The following PLEKHG5 variants were observed in gnomAD, a reference collection of about 807,000 sequenced individuals.
PLEKHG5 encodes pleckstrin homology and RhoGEF domain containing G5, also known as pleckstrin homology domain-containing family G member 5.
In PLEKHG5, 52 loss-of-function variants were observed where a neutral mutation model predicts 103.8. That is an observed-to-expected ratio of 0.50 (90% CI 0.40 to 0.63). PLEKHG5 has a LOEUF of 0.63. Ranked by LOEUF, PLEKHG5 falls within the 30% of genes least tolerant of loss-of-function variation. The pLI, the probability that PLEKHG5 is intolerant of heterozygous loss-of-function variation, is 0.00. For missense variants in PLEKHG5, 1,205 were observed against 1,347.6 expected (o/e 0.89, Z 1.66); for synonymous variants, 592 against 575.5 (o/e 1.03, Z -0.41).
In PLEKHG5 at chr1:6,473,170, A is replaced by G. The variant is rs1644647200; in HGVS notation, c.800T>C (p.Val267Ala). Reference protein sequence around the residue: ...GPSTSAFGREVDKMEQLEGKL... With the variant: ...GPSTSAFGREADKMEQLEGKL... ...GCCCTCCAGCTGCTCCATCTTGTCTACCTCCTGGAAAGATACCCTGGTCAG... is the reference window on the plus strand; with the variant it reads ...GCCCTCCAGCTGCTCCATCTTGTCTGCCTCCTGGAAAGATACCCTGGTCAG... Residue 267 changes from valine to alanine, a missense_variant, in exon 9 of 21, where the codon GTA becomes GCA. By Grantham distance (64) the Val-to-Ala change is moderately conservative. Transcript: ENST00000377728. The G allele has an allele frequency of 6.2e-7, 1 of 1,613,526 alleles. No homozygotes were observed. The highest frequency in any genetic ancestry group is 8.5e-7 in the Non-Finnish European group (1 of 1,179,930).
rs537254591 is a variant in PLEKHG5 at position 6,487,851 on chromosome 1, G to A, written c.-88+3786C>T. ...GCCGTCTGCATCTCACTGTGTCCTC[G>A]GCACTTAGAACAGTCCTGGTGCACA... is the stretch of plus-strand genomic sequence containing the variant. On this transcript the variant is annotated intron_variant, in intron 1 of 20. Transcript: ENST00000377728. The surrounding 1 kb of genome is among the most constrained non-coding windows in gnomAD (Gnocchi z 4.1). 2.0e-5 allele frequency among the ~76,000 whole-genome samples: 3 copies of A among 152,254 alleles called. No individual in the cohort carries two copies. The highest frequency in any genetic ancestry group is 1.9e-4 in the East Asian group (1 of 5,186).
chr1:6,495,312 G>A (rs187304435), upstream of PLEKHG5, among the ~76,000 whole-genome samples: 1,819 of 152,314 alleles, frequency 0.012, 34 homozygotes, highest in African/African-American at 0.041. Flanking sequence ...CACGGCAACT[G>A]GAGGCCGCCC....
At chr1:6,518,892 G>A (rs1638698935) in intron 1 of PLEKHG5, among the ~76,000 whole-genome samples, 1 of 152,188 alleles carries the variant, frequency 6.6e-6, no homozygotes, top group South Asian at 2.1e-4. Context: ...TGCCCAGGCT[G>A]GACTGCAGTG....
chr1:6,500,880 G>A (rs948795726), upstream of PLEKHG5, among the ~76,000 whole-genome samples: 5 of 152,098 alleles, frequency 3.3e-5, no homozygotes, highest in African/African-American at 1.2e-4. Flanking sequence ...GAGCCTACTC[G>A]CCAGTTCTCC....
At chr1:6,516,606 G>A (rs1200567717) in intron 1 of PLEKHG5, among the ~76,000 whole-genome samples, 3 of 151,354 alleles carry the variant, frequency 2.0e-5, no homozygotes, top group African/African-American at 4.9e-5. Context: ...GCAGTGAGCC[G>A]AGATCACACC....
At position 6,474,491 on chromosome 1, in the gene PLEKHG5, G is replaced by T; in HGVS notation, c.399C>A (p.Phe133Leu). ...AGTGTCCCCCGAACCTGTAGGCCTC[G>T]AAGGTGAGGGACAGGGGTGTGTTGG... ...DQSNTPLSLT[F>L]EAYRFGGHYL... Residue 133 changes from phenylalanine (F) to leucine (L), a missense_variant, in exon 6 of 21, where the codon TTC becomes TTA. Transcript: ENST00000377728. 6.2e-7 allele frequency: 1 copy of T among 1,613,968 alleles called. No individual in the cohort carries two copies. Among genetic ancestry groups the T allele is most frequent in the South Asian group, 1.1e-5 (1 of 91,080 alleles).
At position 6,472,396 on chromosome 1, in the gene PLEKHG5, C is replaced by T. The variant is rs75624694; in HGVS notation, c.1080+131G>A. The T allele has an allele frequency of 8.1e-4, 601 of 741,894 alleles. 2 individuals carry two copies. In the African/African-American group the frequency reaches 9.0e-3, roughly 11 times the overall value. The allele number at this position is 741,894 out of a possible 1,614,324, so 46.0% of individuals were successfully genotyped here. The stretch of plus-strand genomic sequence containing the variant: ...GAGGCACCTCCTCCCTGGGCGCAGC[C>T]CTTGTCTGACTTTCCTGCCCCCACC... On this transcript the variant is annotated intron_variant, in intron 10 of 20. Coordinates refer to ENST00000377728, the MANE Select transcript of PLEKHG5 (RefSeq NM_020631.6).
rs149089640 is a variant in PLEKHG5 at position 6,469,223 on chromosome 1, G to T, written c.2068C>A (p.Arg690Ser). Residue 690 changes from arginine to serine, a missense_variant, in exon 19 of 21, where the codon CGT (arginine) becomes AGT (serine). By Grantham distance (110) the Arg-to-Ser change is moderately radical. Coordinates refer to ENST00000377728, the MANE Select transcript of PLEKHG5 (RefSeq NM_020631.6). ...TGACTGCCTGGGGGCTCCTGTGCAC[G>T]CAGCTGTTGCAGCTGGTTCTGCAGG... ...YNAQNQLQQL[R>S]AQEPPGSQQP... is the part of the protein sequence containing the mutation. 6.2e-6 allele frequency: 10 copies of T among 1,613,648 alleles called. No homozygotes were observed. The Admixed American group carries it at 1.0e-4, about 16-fold the overall frequency.
At chr1:6,510,845 G>A (rs1460883551) in intron 1 of PLEKHG5, among the ~76,000 whole-genome samples, 1 of 152,176 alleles carries the variant, frequency 6.6e-6, no homozygotes, top group East Asian at 1.9e-4. Context: ...CCAGCACTTT[G>A]GGAGGCCAAG....
At chr1:6,502,417 G>A (rs967081183) in intron 1 of PLEKHG5, among the ~76,000 whole-genome samples, 21 of 152,212 alleles carry the variant, frequency 1.4e-4, no homozygotes, top group Admixed American at 7.9e-4. Flanking sequence ...CCCGGGGACC[G>A]GAGAGCTGAA....
intron 1 of PLEKHG5, among the ~76,000 whole-genome samples, chr1:6,488,409 G>A (rs1645079860): frequency 2.0e-5 from 3 of 152,346 alleles, no homozygotes; most frequent in South Asian, 4.1e-4. Context: ...ACAGGGCCCT[G>A]GAGATTGCCT....
chr1:6,470,483 C>T, intron 15 of PLEKHG5, 23 bp downstream of exon 15: 2 of 1,610,726 alleles, frequency 1.2e-6, no homozygotes, highest in Non-Finnish European at 1.7e-6. Context: ...CAGCCGGCAA[C>T]CCCCGCAGAC....
At chr1:6,478,519 C>G (rs1644821076) in intron 1 of PLEKHG5, among the ~76,000 whole-genome samples, 1 of 152,218 alleles carries the variant, frequency 6.6e-6, no homozygotes, top group Non-Finnish European at 1.5e-5. Flanking sequence ...CTACGGCTGA[C>G]TTTCTTTCTT....
chr1:6,468,819 C>T (rs1644475056), intron 19 of PLEKHG5, among the ~76,000 whole-genome samples: 1 of 152,168 alleles, frequency 6.6e-6, no homozygotes, highest in Non-Finnish European at 1.5e-5. Context: ...TAAGGATCCT[C>T]AGCACAGCAC....
At chr1:6,502,161 C>T (rs777527154) in intron 1 of PLEKHG5, among the ~76,000 whole-genome samples, 2 of 152,272 alleles carry the variant, frequency 1.3e-5, no homozygotes, top group South Asian at 2.1e-4. Context: ...CCTGGCCAAA[C>T]GCCAGAGGGG....
At chr1:6,510,218 C>G (rs1638436868) in intron 1 of PLEKHG5, among the ~76,000 whole-genome samples, 2 of 152,210 alleles carry the variant, frequency 1.3e-5, no homozygotes, top group South Asian at 4.1e-4. Context: ...AGCCACTCCC[C>G]CTGCCCTCTG....
In PLEKHG5 at chr1:6,516,767, G is replaced by GTATA. The variant is rs35179738; in HGVS notation, c.-165+2674_-165+2677dup. Among the ~76,000 whole-genome samples, 1,020 of 146,540 alleles carry GTATA rather than the reference G, an allele frequency of 7.0e-3. 9 individuals are homozygous for GTATA. The highest frequency in any genetic ancestry group is 0.023 in the African/African-American group (923 of 39,416). ...TATGTGTGTGTGTATATATATATGT[G>GTATA]TATATATATGTGTGTGTGTTATATA... is the stretch of plus-strand genomic sequence containing the variant. On this transcript the variant is annotated intron_variant, in intron 1 of 21. Transcript: ENST00000377740.
At position 6,470,781 on chromosome 1, in the gene PLEKHG5, A is replaced by G; in HGVS notation, c.1496T>C (p.Leu499Pro). The change falls in exon 14 of 21, where the codon CTG becomes CCG. Residue 499 changes from leucine (L) to proline (P), a missense_variant. Transcript: ENST00000377728. The part of the protein sequence containing the change: ...TKYPLLLKSV[L>P]RKTEEPRAKE... ...GGCGCGCGGCTCCTCGGTCTTCCTC[A>G]GCACCGACTTGAGCAGCAGCGGGTA... 1 of 1,571,528 alleles carries G rather than the reference A, an allele frequency of 6.4e-7. No homozygotes were observed. Among genetic ancestry groups the G allele is most frequent in the Non-Finnish European group, 8.6e-7 (1 of 1,159,302 alleles).
chr1:6,469,562 G>T lies in PLEKHG5; in HGVS notation c.1915C>A (p.Arg639=). 1 of 1,613,840 alleles carries T rather than the reference G, an allele frequency of 6.2e-7. No homozygotes were observed. Among genetic ancestry groups the T allele is most frequent in the Non-Finnish European group, 8.5e-7 (1 of 1,180,044 alleles). Residue 639 remains arginine, a synonymous_variant, in exon 17 of 21, where the codon CGG becomes AGG. Coordinates refer to ENST00000377728, the MANE Select transcript of PLEKHG5 (RefSeq NM_020631.6). Reference sequence around the variant, plus strand: ...TCCTTACCAGGGTCCCGTAGCTCCCGGCACACAATCTTGTCCACGAGCAGG... The same window carrying T: ...TCCTTACCAGGGTCCCGTAGCTCCCTGCACACAATCTTGTCCACGAGCAGG... ...PPLLVDKIVC[R]ELRDPGSFLL...
Sources: allele counts gnomAD v4.1 joint callset (sites outside exome capture counted in the v4.1 genomes callset), GRCh38; gene constraint gnomAD v4.1.1; non-coding constraint Gnocchi (gnomAD v3.1); transcripts MANE v1.5; gene names NCBI Gene and HGNC (gene_info 2026-07-23, HGNC 2026-07-21).